Variants in OPRM1 observed in about 807,000 individuals in gnomAD.
OPRM1 encodes mu-type opioid receptor.
A neutral mutation model predicts 31.8 loss-of-function variants in OPRM1; 27 were observed. The observed-to-expected ratio is 0.85, with a 90% confidence interval of 0.63 to 1.17. The LOEUF (loss-of-function observed/expected upper bound fraction) is 1.17, where lower values mean the gene tolerates loss of function less well. OPRM1 is among the 50% of genes most tolerant of loss of function. The probability of loss-of-function intolerance (pLI) is 0.00; values close to 1 mark genes in which losing one functional copy is unlikely to be tolerated. For missense variants in OPRM1, 536 were observed against 511.1 expected (o/e 1.05, Z -0.47); for synonymous variants, 196 against 189.9 (o/e 1.03, Z -0.26).
At chr6:154,169,467 G>A (rs756942229) in intron 3 of OPRM1, among the ~76,000 whole-genome samples, 7 of 152,130 alleles carry the variant, frequency 4.6e-5, no homozygotes, top group Non-Finnish European at 1.0e-4. Flanking sequence ...CATGCAAGTC[G>A]ACAAATATCT....
chr6:154,144,137 T>C (rs1418138193), intron 3 of OPRM1, among the ~76,000 whole-genome samples: 1 of 152,158 alleles, frequency 6.6e-6, no homozygotes, highest in Non-Finnish European at 1.5e-5. Flanking sequence ...AACAGATAAT[T>C]TCAATACCCT....
chr6:154,136,469 G>C (rs904565178), downstream of OPRM1, among the ~76,000 whole-genome samples: 4 of 152,184 alleles, frequency 2.6e-5, no homozygotes, highest in African/African-American at 7.2e-5. Flanking sequence ...GAATCATCTA[G>C]AAAGAGATGT....
rs535353464 is a variant in OPRM1 at position 154,079,922 on chromosome 6, G to C, written c.291-9904G>C. Among the ~76,000 whole-genome samples, 5 of 152,270 alleles carry C rather than the reference G, an allele frequency of 3.3e-5. No individual in the cohort carries two copies. The South Asian group carries it at 8.3e-4, about 25-fold the overall frequency. Reference sequence around the variant, plus strand: ...TTAGTTAACTCCCTGCCATACCTCTGTAATGCTTTCTTAAATGGTAGGCCG... The same window carrying C: ...TTAGTTAACTCCCTGCCATACCTCTCTAATGCTTTCTTAAATGGTAGGCCG... On this transcript the variant is annotated intron_variant, in intron 1 of 3. Coordinates refer to ENST00000330432, the MANE Select transcript of OPRM1 (RefSeq NM_000914.5).
intron 1 of OPRM1, among the ~76,000 whole-genome samples, chr6:154,029,005 G>A (rs1212871017): frequency 6.6e-6 from 1 of 152,074 alleles, no homozygotes; most frequent in Non-Finnish European, 1.5e-5. Flanking sequence ...TCTTATCAGG[G>A]GGACAATTGC....
chr6:154,025,312 T>G (rs1006324833), intron 1 of OPRM1, among the ~76,000 whole-genome samples: 3 of 152,118 alleles, frequency 2.0e-5, no homozygotes, highest in Non-Finnish European at 1.5e-5. Context: ...GCTTGAAATC[T>G]ATTTTGTCTG....
intron 3 of OPRM1, among the ~76,000 whole-genome samples, chr6:154,151,096 G>A (rs914931258): frequency 6.6e-6 from 1 of 152,214 alleles, no homozygotes; most frequent in Admixed American, 6.5e-5. Flanking sequence ...CACAGGAGGT[G>A]TTGTCCCAAT....
intron 1 of OPRM1, among the ~76,000 whole-genome samples, chr6:154,053,727 C>T (rs1444271390): frequency 6.6e-6 from 1 of 152,192 alleles, no homozygotes; most frequent in East Asian, 1.9e-4. Context: ...ATCTGCCATG[C>T]TCAGAGGAAA....
chr6:154,245,120 C>T (rs1447752571), intron 3 of OPRM1, among the ~76,000 whole-genome samples: 1 of 152,028 alleles, frequency 6.6e-6, no homozygotes, highest in Non-Finnish European at 1.5e-5. Flanking sequence ...CCCAGGTTGC[C>T]TCAATTTGGG....
At chr6:154,147,448 C>A (rs144782139) in intron 3 of OPRM1, among the ~76,000 whole-genome samples, 1 of 152,144 alleles carries the variant, frequency 6.6e-6, no homozygotes, top group Non-Finnish European at 1.5e-5. Flanking sequence ...CCTTCACTTG[C>A]GTTTCTGCTG....
At chr6:154,151,181 C>T (rs1286001071) in intron 3 of OPRM1, among the ~76,000 whole-genome samples, 1 of 152,204 alleles carries the variant, frequency 6.6e-6, no homozygotes, top group Admixed American at 6.5e-5. Context: ...ATCCTGGGTC[C>T]TTTCCAGTAC....
intron 1 of OPRM1, among the ~76,000 whole-genome samples, chr6:154,085,379 AC>A (rs1161359173): frequency 6.6e-6 from 1 of 152,240 alleles, no homozygotes; most frequent in Non-Finnish European, 1.5e-5. Context: ...TCAGAAGAAC[AC>A]AATTTTTTTC....
intron 3 of OPRM1, among the ~76,000 whole-genome samples, chr6:154,151,048 T>C (rs1798486141): frequency 6.6e-6 from 1 of 152,200 alleles, no homozygotes; most frequent in African/African-American, 2.4e-5. Flanking sequence ...GTGTCTTGTC[T>C]CAGTCCACCA....
Position 154,090,899 on chromosome 6 carries a change from A to G in OPRM1, c.644-53A>G, listed in dbSNP as rs188235307. ...AGCAAAATGGCAGTATTAACACCTT[A>G]TGACATAATTAAATGTTGCTGCTAA... On this transcript the variant is annotated intron_variant, in intron 2 of 3. Transcript: ENST00000330432. The G allele has an allele frequency of 3.9e-6, 6 of 1,531,460 alleles. No homozygotes were observed. In the East Asian group the frequency reaches 1.1e-4, roughly 29 times the overall value. 94.9% of individuals were successfully genotyped at this position (1,531,460 alleles called of 1,614,324 possible).
intron 3 of OPRM1, among the ~76,000 whole-genome samples, chr6:154,235,743 G>C (rs1780079639): frequency 6.6e-6 from 1 of 152,098 alleles, no homozygotes; most frequent in South Asian, 2.1e-4. Flanking sequence ...AATGGCAAAA[G>C]ACATTTCTCC....
At position 154,090,839 on chromosome 6, in the gene OPRM1, C is replaced by T. The variant is rs572155074; in HGVS notation, c.644-113C>T. 4.5e-6 allele frequency: 4 copies of T among 883,630 alleles called. No homozygotes were observed. The African/African-American group carries it at 6.7e-5, about 15-fold the overall frequency. 54.7% of individuals were successfully genotyped at this position (883,630 alleles called of 1,614,324 possible). A position where few individuals can be genotyped will look rare whatever the true frequency, so the allele number is the denominator to read the frequency against. On this transcript the variant is annotated intron_variant, in intron 2 of 3. Transcript: ENST00000330432. ...GTTTCTTCCACAATTTCTTTATAGCCTTAAGTTAGCTCTGGTCAAGGCTAA... is the reference window on the plus strand; with the variant it reads ...GTTTCTTCCACAATTTCTTTATAGCTTTAAGTTAGCTCTGGTCAAGGCTAA...
intron 1 of OPRM1, among the ~76,000 whole-genome samples, chr6:154,074,991 T>C (rs1455545929): frequency 6.6e-6 from 1 of 152,198 alleles, no homozygotes; most frequent in Admixed American, 6.5e-5. Context: ...ACTGAACTGA[T>C]GTCTCTGTGT....
chr6:154,198,216 T>C (rs1237702778), intron 3 of OPRM1, among the ~76,000 whole-genome samples: 2 of 152,210 alleles, frequency 1.3e-5, no homozygotes, highest in Non-Finnish European at 2.9e-5. Flanking sequence ...TATCTCCTTT[T>C]GACTTGCACC....
intron 3 of OPRM1, among the ~76,000 whole-genome samples, chr6:154,245,826 A>G (rs1429593452): frequency 2.0e-5 from 3 of 152,208 alleles, no homozygotes; most frequent in African/African-American, 4.8e-5. Flanking sequence ...GACATTCAAC[A>G]ACATCGTCAT....
intron 3 of OPRM1, among the ~76,000 whole-genome samples, chr6:154,176,285 C>T (rs1800321312): frequency 6.6e-6 from 1 of 152,198 alleles, no homozygotes; most frequent in African/African-American, 2.4e-5. Flanking sequence ...CCCTCTCTCA[C>T]CACTCCCATT....
Sources: allele counts gnomAD v4.1 joint callset (sites outside exome capture counted in the v4.1 genomes callset), GRCh38; gene constraint gnomAD v4.1.1; transcripts MANE v1.5; gene names NCBI Gene and HGNC (gene_info 2026-07-23, HGNC 2026-07-21).